Variants in IPO8 observed in about 807,000 individuals in gnomAD.
IPO8 encodes importin 8, also known as importin-8.
IPO8 carries 65 observed loss-of-function variants against 141.2 expected under a neutral mutation model. The ratio of observed to expected loss-of-function variants is 0.46; its 90% CI spans 0.38 to 0.57. The LOEUF (loss-of-function observed/expected upper bound fraction) is 0.57. IPO8 is among the 20% of genes least tolerant of loss of function. IPO8 has a pLI of 0.00. For missense variants in IPO8, 980 were observed against 1,246.8 expected, an observed-to-expected ratio of 0.79 and a Z score of 3.22; for synonymous variants, 411 against 420.3, an observed-to-expected ratio of 0.98 and a Z score of 0.27.
At chr12:30,632,212 G>C (rs1243719780) in intron 23 of IPO8, among the ~76,000 whole-genome samples, 7 of 152,150 alleles carry the variant, frequency 4.6e-5, no homozygotes, top group African/African-American at 1.7e-4. Context: ...AGCTATGTGG[G>C]AAATCAAAGG....
At position 30,665,820 on chromosome 12, in the gene IPO8, C is replaced by G; in HGVS notation, c.1247G>C (p.Cys416Ser). ...GTTCGGGTCTGTCAGGATTTGATAA[C>G]AGAATGCCATCATTTTTGGCAACAC... ...KEVLPKMMAF[C>S]YQILTDPNFD... Residue 416 changes from cysteine (C) to serine (S), a missense_variant, in exon 12 of 25, where the codon TGT becomes TCT. Physicochemically the swap from Cys to Ser is moderately radical, Grantham distance 112. Coordinates refer to ENST00000256079, the MANE Select transcript of IPO8 (RefSeq NM_006390.4). 1 of 1,613,352 alleles carries G rather than the reference C, an allele frequency of 6.2e-7. No individual in the cohort carries two copies. The highest frequency in any genetic ancestry group is 8.5e-7 in the Non-Finnish European group (1 of 1,179,538).
chr12:30,656,771 T>C, intron 16 of IPO8, 21 bp from the exon 17 acceptor site: 2 of 1,224,540 alleles, frequency 1.6e-6, no homozygotes, highest in Non-Finnish European at 2.3e-6. Context: ...ATGTTAAATA[T>C]TAAGCTTAAA....
Position 30,659,723 on chromosome 12 carries a change from C to T in IPO8, c.1881+1418G>A, listed in dbSNP as rs532402887. Among the ~76,000 whole-genome samples, 37 of 151,512 alleles carry T rather than the reference C, an allele frequency of 2.4e-4. No individual in the cohort carries two copies. In the South Asian group the frequency reaches 6.7e-3, roughly 27 times the overall value. ...CAAAAAAATTAGCTGGGCATGGTGGCGGGCACCTGTAGTTCCAGCTACTCG... is the reference window on the plus strand; with the variant it reads ...CAAAAAAATTAGCTGGGCATGGTGGTGGGCACCTGTAGTTCCAGCTACTCG... On this transcript the variant is annotated intron_variant, in intron 16 of 24. Coordinates refer to ENST00000256079, the MANE Select transcript of IPO8 (RefSeq NM_006390.4).
In IPO8 at chr12:30,669,291, A is replaced by T. The variant is rs769097235; in HGVS notation, c.1045-9T>A. ...ACATCTTCAGAGATATTCTAAAATG[A>T]GAAAAAAAAAAAAACGTAACAAATG... On this transcript the variant is annotated splice_polypyrimidine_tract_variant and intron_variant, in intron 9 of 24. Coordinates refer to ENST00000256079, the MANE Select transcript of IPO8 (RefSeq NM_006390.4). 2 of 1,342,798 alleles carry T rather than the reference A, an allele frequency of 1.5e-6. No homozygotes were observed. Among genetic ancestry groups the T allele is most frequent in the Non-Finnish European group, 2.1e-6 (2 of 964,546 alleles). 83.2% of individuals were successfully genotyped at this position (1,342,798 alleles called of 1,614,324 possible). A position where few individuals can be genotyped will look rare whatever the true frequency, so the allele number is the denominator to read the frequency against.
chr12:30,695,664 T>C lies in IPO8; in HGVS notation c.-17A>G, dbSNP rs747832715. The stretch of plus-strand genomic sequence containing the variant: ...GAGGTCCATCTCCCCGGGTGGGGGC[T>C]CCGCGGCCCCCGGAACAGTAGGCCG... On this transcript the variant is annotated 5_prime_UTR_variant, in exon 1 of 25. Transcript: ENST00000256079. This position sits in a 1 kb window ranked among gnomAD's most constrained non-coding sequence, Gnocchi z 4.2. The C allele has an allele frequency of 6.2e-7, 1 of 1,610,194 alleles. No homozygotes were observed.
chr12:30,679,773 G>A (rs1428679099), intron 5 of IPO8, among the ~76,000 whole-genome samples: 3 of 152,218 alleles, frequency 2.0e-5, no homozygotes, highest in Non-Finnish European at 4.4e-5. Context: ...CTCTTCTCAC[G>A]ACAAATTCAA....
chr12:30,669,402 T>C, intron 9 of IPO8, 120 bp from the exon 10 acceptor site: 1 of 502,354 alleles, frequency 2.0e-6, no homozygotes, highest in Non-Finnish European at 3.5e-6. Context: ...TCTGTGTGTG[T>C]GTAAAATGTC....
intron 24 of IPO8, 22 bp from the exon 25 acceptor site, chr12:30,630,979 G>C (rs562879951): frequency 6.3e-7 from 1 of 1,583,262 alleles, no homozygotes; most frequent in East Asian, 2.2e-5. Flanking sequence ...CAAAAGAAAA[G>C]GGGAGAAGAA....
At chr12:30,651,933 A>C (rs907443475) in intron 19 of IPO8, among the ~76,000 whole-genome samples, 4 of 152,140 alleles carry the variant, frequency 2.6e-5, no homozygotes, top group Non-Finnish European at 5.9e-5. Context: ...CACTTCAATC[A>C]AGTAGAAAAT....
chr12:30,649,307 C>T (rs760795679), intron 19 of IPO8, 75 bp from the exon 20 acceptor site: 148 of 1,005,816 alleles, frequency 1.5e-4, no homozygotes, highest in Non-Finnish European at 2.0e-4. Context: ...GCACAAATGT[C>T]CCATATAAAT....
intron 12 of IPO8, 116 bp downstream of exon 12, chr12:30,665,613 T>C: frequency 1.5e-6 from 1 of 675,538 alleles, no homozygotes; most frequent in Non-Finnish European, 2.5e-6. Flanking sequence ...AGGATAGTTG[T>C]GAACTCAATT....
chr12:30,653,064 T>C lies in IPO8; in HGVS notation c.1977A>G (p.Ala659=), dbSNP rs774057399. ...AAATACTGTGGCAGGTTAAACTGTA[T>C]GCCAGGGAAAGAATTTCTTCATAGA... is the stretch of plus-strand genomic sequence containing the variant. ...IEFYEEILSL[A]YSLTCHSISP... is the part of the protein sequence containing the mutation. The change falls in exon 18 of 25, where the codon GCA becomes GCG. Residue 659 remains alanine (A), a synonymous_variant. Coordinates refer to ENST00000256079, the MANE Select transcript of IPO8 (RefSeq NM_006390.4). The C allele has an allele frequency of 1.3e-5, 21 of 1,610,378 alleles. No individual in the cohort carries two copies. Among genetic ancestry groups the C allele is most frequent in the Non-Finnish European group, 1.6e-5 (19 of 1,178,456 alleles).
At chr12:30,659,853 T>G (rs1185695499) in intron 16 of IPO8, among the ~76,000 whole-genome samples, 6 of 89,282 alleles carry the variant, frequency 6.7e-5, no homozygotes, top group Admixed American at 1.2e-4. Context: ...AGATTCTGTC[T>G]CAAAACAAAA....
intron 23 of IPO8, among the ~76,000 whole-genome samples, chr12:30,632,816 A>T (rs1357009887): frequency 6.6e-6 from 1 of 152,146 alleles, no homozygotes; most frequent in Non-Finnish European, 1.5e-5. Flanking sequence ...TCAGAACACA[A>T]CTTTCAACGC....
intron 13 of IPO8, 84 bp downstream of exon 13, chr12:30,665,136 A>C: frequency 1.3e-6 from 1 of 781,360 alleles, no homozygotes; most frequent in Non-Finnish European, 2.1e-6. Context: ...TATGTGGCAA[A>C]AGGTCAATTT....
intron 5 of IPO8, among the ~76,000 whole-genome samples, chr12:30,677,435 A>T (rs1362609766): frequency 2.6e-5 from 4 of 152,180 alleles, no homozygotes; most frequent in Non-Finnish European, 5.9e-5. Context: ...CAACTATGCT[A>T]CTAGTTTATA....
intron 1 of IPO8, among the ~76,000 whole-genome samples, chr12:30,692,990 TA>T (rs2053305172): frequency 6.6e-6 from 1 of 152,236 alleles, no homozygotes; most frequent in African/African-American, 2.4e-5. Flanking sequence ...AGTAACTTAA[TA>T]AATATTTCTG....
Position 30,645,383 on chromosome 12 carries a change from A to C in IPO8, c.2268+3754T>G, listed in dbSNP as rs376578678. Among the ~76,000 whole-genome samples the C allele has an allele frequency of 2.0e-5, 3 of 152,164 alleles. No homozygotes were observed. In the East Asian group the frequency reaches 5.8e-4, roughly 30 times the overall value. ...GCAAGACTTCATCTCAAAAAAAAAA[A>C]AAAAGAGACAGAGAGAGAACCAAAT... On this transcript the variant is annotated intron_variant, in intron 20 of 24. Transcript: ENST00000256079.
At chr12:30,691,687 T>TG (rs1361158473) in intron 1 of IPO8, among the ~76,000 whole-genome samples, 2 of 152,218 alleles carry the variant, frequency 1.3e-5, no homozygotes, top group African/African-American at 4.8e-5. Flanking sequence ...CCTCAGAGCC[T>TG]GGATCTGTGG....
Sources: allele counts gnomAD v4.1 joint callset (sites outside exome capture counted in the v4.1 genomes callset), GRCh38; gene constraint gnomAD v4.1.1; non-coding constraint Gnocchi (gnomAD v3.1); transcripts MANE v1.5; gene names NCBI Gene and HGNC (gene_info 2026-07-23, HGNC 2026-07-21).